KIF14: variants seen among roughly 807,000 people sequenced by gnomAD.
KIF14 encodes kinesin-like protein KIF14.
KIF14 carries 98 observed loss-of-function variants against 176.2 expected under a neutral mutation model. The ratio of observed to expected loss-of-function variants is 0.56; its 90% confidence interval spans 0.47 to 0.66. The LOEUF (loss-of-function observed/expected upper bound fraction) is 0.66. Ranked by LOEUF, KIF14 falls within the 30% of genes least tolerant of loss-of-function variation. The pLI is 0.00. For synonymous variants in KIF14, 566 were observed against 632.2 expected, an observed-to-expected ratio of 0.90 and a Z score of 1.57; for missense variants, 1,751 against 1,920.4, an observed-to-expected ratio of 0.91 and a Z score of 1.65.
In KIF14 at chr1:200,618,639, C is replaced by T. The variant is rs1473070160; in HGVS notation, c.85G>A (p.Ala29Thr). The change falls in exon 2 of 30, where the codon GCC becomes ACC. Residue 29 changes from alanine to threonine, a missense_variant. Physicochemically the swap from Ala to Thr is moderately conservative, Grantham distance 58. Transcript: ENST00000367350. ...TTAAGTCGGCTACTGTGGGTGAGGG[C>T]ATTCAGTGATGAACTATTTTGGGAA... ...PSSQNSSSLNALTHSSRLKLH... is the reference protein window; with the variant it reads ...PSSQNSSSLNTLTHSSRLKLH... The T allele has an allele frequency of 6.2e-7, 1 of 1,613,934 alleles. No individual in the cohort carries two copies. The highest frequency in any genetic ancestry group is 1.7e-5 in the Admixed American group (1 of 60,014).
chr1:200,593,926 A>ATTT (rs1659181935), intron 14 of KIF14, among the ~76,000 whole-genome samples, 157 bp from the exon 15 acceptor site: 6 of 62,002 alleles, frequency 9.7e-5, no homozygotes, highest in South Asian at 5.3e-4. Context: ...TCCTCCAACT[A>ATTT]GTTTTTTTTT....
At chr1:200,564,607 C>T (rs1347883286) in intron 25 of KIF14, among the ~76,000 whole-genome samples, 3 of 152,202 alleles carry the variant, frequency 2.0e-5, no homozygotes, top group Non-Finnish European at 4.4e-5. Flanking sequence ...GAGTTGAAAT[C>T]CAATCCCATA....
At chr1:200,600,327 T>A (rs1263174900) in intron 12 of KIF14, 29 bp downstream of exon 12, 2 of 1,607,096 alleles carry the variant, frequency 1.2e-6, no homozygotes, top group Admixed American at 3.3e-5. Context: ...GCAACACACT[T>A]AACATTTAGA....
chr1:200,566,428 T>G (rs181961485), intron 23 of KIF14, among the ~76,000 whole-genome samples: 1 of 151,634 alleles, frequency 6.6e-6, no homozygotes, highest in Non-Finnish European at 1.5e-5. Context: ...CCATCTCTAT[T>G]AAAAATACAA....
chr1:200,581,804 T>G (rs1315705864), intron 19 of KIF14, among the ~76,000 whole-genome samples: 2 of 148,664 alleles, frequency 1.3e-5, no homozygotes, highest in Non-Finnish European at 3.0e-5. Flanking sequence ...TCTCACTAGG[T>G]TGCCTAGGCT....
Position 200,600,389 on chromosome 1 carries a change from T to C in KIF14, c.2267A>G (p.His756Arg), listed in dbSNP as rs756454369. 1 of 1,613,894 alleles carries C rather than the reference T, an allele frequency of 6.2e-7. No individual in the cohort carries two copies. The highest frequency in any genetic ancestry group is 8.5e-7 in the Non-Finnish European group (1 of 1,179,794). ...TTCTGCCATGTCTCTCTCCTGTTGA[T>C]GCAGTTTCATTCTTAAGGATGTTAT... The part of the protein sequence containing the change: ...QEITSLRMKL[H>R]QQERDMAEMQ... The change falls in exon 12 of 30, where the codon CAT becomes CGT. Residue 756 changes from histidine (H) to arginine (R), a missense_variant. Transcript: ENST00000367350.
chr1:200,562,224 C>T (rs1244351651), intron 25 of KIF14, among the ~76,000 whole-genome samples: 3 of 152,184 alleles, frequency 2.0e-5, no homozygotes, highest in Admixed American at 6.5e-5. Context: ...CCCTCCAAGT[C>T]GCCTGGTCTC....
chr1:200,588,173 C>A (rs1658851639), intron 18 of KIF14, among the ~76,000 whole-genome samples: 1 of 152,026 alleles, frequency 6.6e-6, no homozygotes, highest in Non-Finnish European at 1.5e-5. Flanking sequence ...AGGTTCTGTG[C>A]CCCATTCTCA....
chr1:200,557,193 G>GGGGT (rs1241760903), intron 27 of KIF14, among the ~76,000 whole-genome samples: 3 of 151,980 alleles, frequency 2.0e-5, no homozygotes, highest in African/African-American at 7.2e-5. Context: ...TAGTAGACAC[G>GGGGT]GGGTTTCACC....
rs1660493588 is a variant in KIF14, at chr1:200,618,029, G to T, written c.695C>A (p.Ser232Ter). The T allele has an allele frequency of 6.2e-7, 1 of 1,614,012 alleles. No individual in the cohort carries two copies. The highest frequency in any genetic ancestry group is 1.3e-5 in the African/African-American group (1 of 74,912). Residue 232 changes from serine to a stop codon, truncating the protein, a stop_gained, in exon 2 of 30, where the codon TCA (serine) becomes TAA (stop). Coordinates refer to ENST00000367350, the MANE Select transcript of KIF14 (RefSeq NM_014875.3). LOFTEE classifies it high-confidence loss of function. ...AGTAGGTTTCGTTGTCAAGTGTCCTGATCTAACAACTTCAGTCTGACTCAG... is the reference window on the plus strand; with the variant it reads ...AGTAGGTTTCGTTGTCAAGTGTCCTTATCTAACAACTTCAGTCTGACTCAG... ...ASLSQTEVVRSGHLTTKPTQS... is the reference protein window; with the variant it reads ...ASLSQTEVVR
intron 5 of KIF14, among the ~76,000 whole-genome samples, chr1:200,608,208 C>CTTATTAG (rs1659978910): frequency 6.6e-6 from 1 of 152,012 alleles, no homozygotes; most frequent in Non-Finnish European, 1.5e-5. Flanking sequence ...TATGTTTTGG[C>CTTATTAG]TTATAGACTA....
intron 27 of KIF14, among the ~76,000 whole-genome samples, chr1:200,558,972 T>G (rs1035109894): frequency 6.6e-6 from 1 of 152,208 alleles, no homozygotes; most frequent in Non-Finnish European, 1.5e-5. Context: ...TAAATGTTAC[T>G]AATAGTTTCC....
chr1:200,618,358 T>C lies in KIF14; in HGVS notation c.366A>G (p.Gln122=). 6.2e-7 allele frequency: 1 copy of C among 1,614,142 alleles called. No individual in the cohort carries two copies. Among genetic ancestry groups the C allele is most frequent in the Admixed American group, 1.7e-5 (1 of 60,016 alleles). ...EKTAETRLTL[Q]RRAKTDSAEK... ...CTGCAGAATCTGTTTTAGCACGACG[T>C]TGTAATGTAAGACGTGTTTCTGCTG... The change falls in exon 2 of 30, where the codon CAA becomes CAG. Residue 122 remains glutamine, a synonymous_variant. Transcript: ENST00000367350.
intron 25 of KIF14, among the ~76,000 whole-genome samples, chr1:200,564,348 C>T (rs1195764040): frequency 6.6e-6 from 1 of 151,794 alleles, no homozygotes; most frequent in Non-Finnish European, 1.5e-5. Flanking sequence ...TGGGGCTCCT[C>T]CATAGTGGGT....
intron 14 of KIF14, among the ~76,000 whole-genome samples, chr1:200,596,844 G>A (rs559498973): frequency 4.0e-5 from 6 of 149,668 alleles, no homozygotes; most frequent in Admixed American, 6.7e-5. Context: ...GATTATAGGC[G>A]TGAGCCACCG....
chr1:200,586,803 A>G (rs1466974618), intron 18 of KIF14, among the ~76,000 whole-genome samples: 1 of 147,984 alleles, frequency 6.8e-6, no homozygotes, highest in African/African-American at 2.5e-5. Flanking sequence ...ATATATATAT[A>G]TATATATATA....
rs112366484 is a variant in KIF14 at position 200,598,143 on chromosome 1, G to A, written c.2549+94C>T. The A allele has an allele frequency of 7.9e-4, 831 of 1,053,208 alleles. 7 individuals are homozygous for A. The African/African-American group carries it at 0.012, about 15-fold the overall frequency. The allele number at this position is 1,053,208 out of a possible 1,614,324, so 65.2% of individuals were successfully genotyped here. ...ATGGGTTTGAAGAATTCTACCAAAC[G>A]ATCAGTATCAACGAATATGCCATAT... On this transcript the variant is annotated intron_variant, in intron 14 of 29. Transcript: ENST00000367350.
At chr1:200,606,632 C>G (rs1441349128) in intron 6 of KIF14, 114 bp downstream of exon 6, 1 of 895,220 alleles carries the variant, frequency 1.1e-6, no homozygotes, top group African/African-American at 1.6e-5. Context: ...AAATAGTTAC[C>G]CAGGGTTTCA....
intron 13 of KIF14, among the ~76,000 whole-genome samples, chr1:200,599,774 T>C (rs976241456): frequency 1.3e-5 from 2 of 152,232 alleles, no homozygotes; most frequent in African/African-American, 2.4e-5. Flanking sequence ...CTGAAAAGCA[T>C]AGACATTTAA....
Sources: gnomAD v4.1 joint callset for allele counts (sites outside exome capture counted in the v4.1 genomes callset) on GRCh38, gnomAD v4.1.1 for gene constraint, MANE v1.5 for transcripts, NCBI Gene and HGNC (gene_info 2026-07-23, HGNC 2026-07-21) for gene names.